CMTM4: variants seen among roughly 807,000 people sequenced by gnomAD.
The protein encoded by CMTM4 is CKLF like MARVEL transmembrane domain containing 4, also known as CKLF-like MARVEL transmembrane domain-containing protein 4.
CMTM4 carries 8 observed loss-of-function variants against 19.0 expected under a neutral mutation model. That is an observed-to-expected ratio of 0.42 (90% confidence interval 0.25 to 0.76). The LOEUF (loss-of-function observed/expected upper bound fraction) is 0.76. Ranked by LOEUF, CMTM4 falls within the 30% of genes least tolerant of loss-of-function variation. CMTM4 has a pLI of 0.27. For synonymous variants in CMTM4, 106 were observed against 121.1 expected (o/e 0.88, Z 0.82); for missense variants, 228 against 290.2 (o/e 0.79, Z 1.56).
intron 1 of CMTM4, among the ~76,000 whole-genome samples, chr16:66,639,846 T>C (rs2016067392): frequency 6.6e-6 from 1 of 151,848 alleles, no homozygotes; most frequent in African/African-American, 2.4e-5. Context: ...GACAAAACTT[T>C]GTCTCTACTA....
intron 2 of CMTM4, among the ~76,000 whole-genome samples, chr16:66,630,204 CCAGT>C (rs879358907): frequency 2.0e-5 from 3 of 151,766 alleles, no homozygotes; most frequent in African/African-American, 4.8e-5. Flanking sequence ...TGTTAAACAC[CCAGT>C]CAGTGTCAAA....
chr16:66,609,421 C>T, the CMTM4 span: 2 of 1,608,978 alleles, frequency 1.2e-6, no homozygotes, highest in Non-Finnish European at 8.5e-7. The surrounding 1 kb of genome is among the most constrained non-coding windows in gnomAD (Gnocchi z 4.4). Context: ...GGCAGCATGC[C>T]CCTCTCTCCC....
chr16:66,683,527 G>A (rs573908770), intron 1 of CMTM4, among the ~76,000 whole-genome samples: 3 of 151,446 alleles, frequency 2.0e-5, no homozygotes, highest in South Asian at 4.2e-4. Flanking sequence ...TCCTGACCTC[G>A]TGATCCGCCT....
At chr16:66,689,970 C>A (rs1249532025) in intron 1 of CMTM4, among the ~76,000 whole-genome samples, 3 of 152,134 alleles carry the variant, frequency 2.0e-5, no homozygotes, top group African/African-American at 7.2e-5. Context: ...TTAACAACTT[C>A]TTTTGAGATC....
chr16:66,687,977 G>A (rs974415919), intron 1 of CMTM4, among the ~76,000 whole-genome samples: 3 of 152,054 alleles, frequency 2.0e-5, no homozygotes, highest in East Asian at 1.9e-4. Flanking sequence ...GTAAGCCACC[G>A]CGCCTGGCCA....
At chr16:66,679,807 G>C (rs1330276359) in intron 1 of CMTM4, among the ~76,000 whole-genome samples, 4 of 148,738 alleles carry the variant, frequency 2.7e-5, no homozygotes, top group Admixed American at 2.0e-4. Flanking sequence ...CTGGGTGACA[G>C]TGCGAGACTC....
intron 1 of CMTM4, among the ~76,000 whole-genome samples, chr16:66,687,879 G>A (rs1012943422): frequency 1.3e-5 from 2 of 151,836 alleles, no homozygotes; most frequent in African/African-American, 2.4e-5. Context: ...CATTGAGACC[G>A]GGTTTCACCG....
intron 1 of CMTM4, among the ~76,000 whole-genome samples, chr16:66,683,567 C>T (rs950690850): frequency 7.9e-5 from 12 of 151,642 alleles, no homozygotes; most frequent in Non-Finnish European, 1.5e-4. Flanking sequence ...CTGGGAGCTA[C>T]CACGCCCGGC....
intron 1 of CMTM4, among the ~76,000 whole-genome samples, chr16:66,683,202 T>TATATAC (rs1567432399): frequency 7.3e-6 from 1 of 137,178 alleles, no homozygotes; most frequent in African/African-American, 2.7e-5. Flanking sequence ...TACATATATA[T>TATATAC]ATATATATAA....
intron 1 of CMTM4, among the ~76,000 whole-genome samples, chr16:66,683,588 T>C (rs956687555): frequency 2.6e-5 from 4 of 151,872 alleles, no homozygotes; most frequent in Non-Finnish European, 1.5e-5. Context: ...CCATTTTTTT[T>C]CTTTTATTAA....
At chr16:66,654,607 T>C (rs1022640141) in intron 1 of CMTM4, among the ~76,000 whole-genome samples, 4 of 152,208 alleles carry the variant, frequency 2.6e-5, no homozygotes, top group African/African-American at 4.8e-5. Context: ...GCCGTTAGCA[T>C]AGCCCGTCGC....
At chr16:66,664,793 A>G (rs1298026281) in intron 1 of CMTM4, among the ~76,000 whole-genome samples, 4 of 152,194 alleles carry the variant, frequency 2.6e-5, no homozygotes, top group African/African-American at 9.6e-5. Context: ...CAGAAAATAA[A>G]TAACAAAATG....
At chr16:66,655,447 CA>C (rs1449342116) in intron 1 of CMTM4, among the ~76,000 whole-genome samples, 2 of 151,882 alleles carry the variant, frequency 1.3e-5, no homozygotes, top group Non-Finnish European at 2.9e-5. Flanking sequence ...AGGACATCCA[CA>C]GGATAAATAT....
intron 1 of CMTM4, among the ~76,000 whole-genome samples, chr16:66,683,328 G>A (rs1186130603): frequency 1.0e-5 from 1 of 99,610 alleles, no homozygotes; most frequent in Non-Finnish European, 1.8e-5. Flanking sequence ...GTCTTGCTCT[G>A]TCACCCAGGC....
intron 2 of CMTM4, among the ~76,000 whole-genome samples, chr16:66,633,100 T>C (rs2015908948): frequency 6.0e-5 from 1 of 16,692 alleles, no homozygotes; most frequent in Non-Finnish European, 1.0e-4. Flanking sequence ...TATATATATA[T>C]AAATATATAT....
At chr16:66,679,698 C>T (rs2144899414) in intron 1 of CMTM4, among the ~76,000 whole-genome samples, 1 of 152,032 alleles carries the variant, frequency 6.6e-6, no homozygotes, top group East Asian at 1.9e-4. Flanking sequence ...GTGCTGGGTG[C>T]CTGTAATCCC....
At chr16:66,660,215 C>T (rs1437833612) in intron 1 of CMTM4, among the ~76,000 whole-genome samples, 1 of 151,880 alleles carries the variant, frequency 6.6e-6, no homozygotes, top group Non-Finnish European at 1.5e-5. Context: ...TAGTGAGACT[C>T]CATCTCTACA....
Position 66,619,537 on chromosome 16 carries a change from G to A in CMTM4, c.*2521C>T. ...AACGCAAAAACGCTTCCTTCAATTT[G>A]CCAAGAGGTCATTTTAAGGCCCCCA... On this transcript the variant is annotated 3_prime_UTR_variant, in exon 4 of 4. Coordinates refer to ENST00000394106, the MANE Select transcript of CMTM4 (RefSeq NM_181521.3). The A allele has an allele frequency of 1.0e-6, 1 of 985,334 alleles. No homozygotes were observed. Among genetic ancestry groups the A allele is most frequent in the Non-Finnish European group, 1.2e-6 (1 of 829,914 alleles). The allele number at this position is 985,334 out of a possible 1,614,324, so 61.0% of individuals were successfully genotyped here. A position where few individuals can be genotyped will look rare whatever the true frequency, so the allele number is the denominator to read the frequency against.
chr16:66,658,394 T>C (rs2016438642), intron 1 of CMTM4, among the ~76,000 whole-genome samples: 1 of 152,126 alleles, frequency 6.6e-6, no homozygotes, highest in Non-Finnish European at 1.5e-5. Context: ...AAAACATTCT[T>C]TTTCTGCCTG....
Sources: gnomAD v4.1 joint callset for allele counts (sites outside exome capture counted in the v4.1 genomes callset) on GRCh38, gnomAD v4.1.1 for gene constraint, Gnocchi (gnomAD v3.1) non-coding constraint, MANE v1.5 for transcripts, NCBI Gene and HGNC (gene_info 2026-07-23, HGNC 2026-07-21) for gene names.